ART3: variants seen among roughly 807,000 people sequenced by gnomAD.
The protein encoded by ART3 is ecto-ADP-ribosyltransferase 3.
ART3 carries 49 observed loss-of-function variants against 48.5 expected under a neutral mutation model. That is an observed-to-expected ratio of 1.01 (90% CI 0.80 to 1.28). ART3 has a LOEUF of 1.28. Ranked by LOEUF, ART3 falls within the 50% of genes most tolerant of loss-of-function variation. The pLI is 0.00. For missense variants in ART3, 438 were observed against 454.3 expected, an observed-to-expected ratio of 0.96 and a Z score of 0.33; for synonymous variants, 145 against 157.2, an observed-to-expected ratio of 0.92 and a Z score of 0.58.
At chr4:76,035,374 C>T (rs773438892) in intron 1 of ART3, 15 of 1,607,390 alleles carry the variant, frequency 9.3e-6, no homozygotes, top group Admixed American at 3.4e-5. Context: ...GTTAGTAATG[C>T]ATCTGATTGC....
intron 1 of ART3, among the ~76,000 whole-genome samples, chr4:76,066,507 G>A (rs1397020943): frequency 1.3e-5 from 2 of 152,152 alleles, no homozygotes; most frequent in South Asian, 2.1e-4. Flanking sequence ...CAGGTCATTC[G>A]GCAGTCTCTG....
At chr4:76,012,275 A>C (rs1731874539) in intron 1 of ART3, 1 of 152,108 alleles carries the variant, frequency 6.6e-6, no homozygotes, top group African/African-American at 2.4e-5. Context: ...TTGTGAGAGG[A>C]GAAGTTTCTC....
chr4:76,018,730 G>A (rs1449555690), intron 1 of ART3, among the ~76,000 whole-genome samples: 4 of 152,126 alleles, frequency 2.6e-5, no homozygotes, highest in African/African-American at 9.7e-5. Flanking sequence ...CAAAGCAAAT[G>A]AAGAACATAT....
intron 3 of ART3, among the ~76,000 whole-genome samples, chr4:76,084,699 C>T (rs1342689219): frequency 6.6e-6 from 1 of 152,198 alleles, no homozygotes; most frequent in African/African-American, 2.4e-5. Flanking sequence ...CCAGCACTCT[C>T]TCTGCAATCT....
At chr4:76,106,005 G>A in intron 10 of ART3, 1 of 985,362 alleles carries the variant, frequency 1.0e-6, no homozygotes, top group Non-Finnish European at 1.2e-6. Context: ...AGTGTATTGT[G>A]CCCTCTCCTG....
At chr4:76,107,837 GT>G (rs1480399240) in intron 11 of ART3, 44 bp downstream of exon 11, 1 of 1,418,048 alleles carries the variant, frequency 7.1e-7, no homozygotes, top group Non-Finnish European at 9.6e-7. Context: ...GCCTGCTTCT[GT>G]AATATAGAAA....
intron 1 of ART3, among the ~76,000 whole-genome samples, chr4:76,012,785 A>C (rs1731919497): frequency 6.6e-6 from 1 of 152,242 alleles, no homozygotes; most frequent in Non-Finnish European, 1.5e-5. Context: ...AACAATAGCC[A>C]TTAAGAAGCT....
In ART3 at chr4:76,103,718, C is replaced by T. The variant is rs192123042; in HGVS notation, c.938-219C>T. Among the ~76,000 whole-genome samples the T allele has an allele frequency of 1.4e-3, 213 of 152,098 alleles. 2 individuals are homozygous for T. Among genetic ancestry groups the T allele is most frequent in the Non-Finnish European group, 2.2e-3 (152 of 68,010 alleles). On this transcript the variant is annotated intron_variant, in intron 8 of 11. Transcript: ENST00000355810. ...ATAAAGCTGGAGAGACGGGTTAGAT[C>T]GTGGAAGTTCTTGAAGTCCAGGCTA... is the stretch of plus-strand genomic sequence containing the variant.
rs376211763 is a variant in ART3 at position 76,097,684 on chromosome 4, A to AC, written c.814+8_814+9insC. 23 of 1,605,022 alleles carry AC rather than the reference A, an allele frequency of 1.4e-5. No homozygotes were observed. The African/African-American group carries it at 2.8e-4, about 20-fold the overall frequency. ...ACTGTATTGAGAACCTAGGTAAGATAGCTTTAAAGTCTTATCCCTATAATA... is the reference window on the plus strand; with the variant it reads ...ACTGTATTGAGAACCTAGGTAAGATACGCTTTAAAGTCTTATCCCTATAATA... On this transcript the variant is annotated intron_variant, in intron 4 of 11. Transcript: ENST00000355810.
At chr4:76,093,944 T>A (rs370394643) in intron 3 of ART3, among the ~76,000 whole-genome samples, 6 of 152,344 alleles carry the variant, frequency 3.9e-5, no homozygotes, top group African/African-American at 1.4e-4. Flanking sequence ...ATTTGGAGGT[T>A]GGGCCTTCAA....
intron 1 of ART3, among the ~76,000 whole-genome samples, chr4:76,052,208 C>T (rs1352562157): frequency 6.6e-6 from 1 of 152,158 alleles, no homozygotes; most frequent in East Asian, 1.9e-4. Context: ...TGCTTTATCT[C>T]TTTCTGGGAC....
At chr4:76,042,141 T>C (rs553537195) in intron 1 of ART3, among the ~76,000 whole-genome samples, 1 of 152,352 alleles carries the variant, frequency 6.6e-6, no homozygotes, top group Admixed American at 6.5e-5. Context: ...ATCTGTAATC[T>C]GTGCTTCATC....
intron 11 of ART3, among the ~76,000 whole-genome samples, chr4:76,109,348 C>T (rs1300978531): frequency 6.6e-6 from 1 of 151,978 alleles, no homozygotes; most frequent in Non-Finnish European, 1.5e-5. Context: ...CTGTCTTGCA[C>T]CTCCACATCT....
chr4:76,076,842 T>A (rs1721196047), intron 2 of ART3, among the ~76,000 whole-genome samples: 1 of 152,062 alleles, frequency 6.6e-6, no homozygotes, highest in African/African-American at 2.4e-5. Flanking sequence ...TTTCACTTGA[T>A]TTTTTTTCCC....
At chr4:76,075,778 C>A in intron 1 of ART3, 103 bp from the exon 2 acceptor site, 1 of 812,254 alleles carries the variant, frequency 1.2e-6, no homozygotes, top group Non-Finnish European at 2.0e-6. Flanking sequence ...ATCATGCTAT[C>A]CACTCACATT....
upstream of ART3, among the ~76,000 whole-genome samples, chr4:76,069,767 G>T (rs2149500177): frequency 6.6e-6 from 1 of 151,738 alleles, no homozygotes; most frequent in South Asian, 2.1e-4. Context: ...CTAGTTGGTG[G>T]ACATTTGGAC....
chr4:76,057,472 ACT>A (rs1451348986), intron 1 of ART3, among the ~76,000 whole-genome samples: 3 of 152,170 alleles, frequency 2.0e-5, no homozygotes, highest in Non-Finnish European at 2.9e-5. Context: ...AAATAAAGGT[ACT>A]CTCTGTACTA....
At chr4:76,086,015 T>G (rs1475513711) in intron 3 of ART3, among the ~76,000 whole-genome samples, 1 of 151,794 alleles carries the variant, frequency 6.6e-6, no homozygotes, top group African/African-American at 2.4e-5. Flanking sequence ...GAGGTTGCAG[T>G]GAGCTGAGAC....
intron 2 of ART3, among the ~76,000 whole-genome samples, chr4:76,080,758 C>T (rs1267930780): frequency 6.6e-6 from 1 of 152,164 alleles, no homozygotes; most frequent in East Asian, 1.9e-4. Context: ...ATCTGCCCGC[C>T]TCGGCCTCCC....
Sources: allele counts gnomAD v4.1 joint callset (sites outside exome capture counted in the v4.1 genomes callset), GRCh38; gene constraint gnomAD v4.1.1; transcripts MANE v1.5; gene names NCBI Gene and HGNC (gene_info 2026-07-23, HGNC 2026-07-21).